BRD4: variants seen among roughly 807,000 people sequenced by gnomAD.
The protein encoded by BRD4 is bromodomain-containing protein 4.
BRD4 carries 16 observed loss-of-function variants against 142.1 expected under a neutral mutation model. The observed-to-expected ratio is 0.11, with a 90% CI of 0.08 to 0.17. The LOEUF is 0.17. Ranked by LOEUF, BRD4 falls within the 10% of genes least tolerant of loss-of-function variation. BRD4 has a pLI of 1.00. For synonymous variants in BRD4, 833 were observed against 707.5 expected, an observed-to-expected ratio of 1.18 and a Z score of -2.82; for missense variants, 1,424 against 1,810.9, an observed-to-expected ratio of 0.79 and a Z score of 3.88.
intron 7 of BRD4, among the ~76,000 whole-genome samples, chr19:15,258,426 G>T (rs1019799300): frequency 1.2e-4 from 18 of 152,258 alleles, no homozygotes; most frequent in African/African-American, 3.9e-4. Flanking sequence ...TGGAATTACA[G>T]GTGCACACCA....
At chr19:15,313,942 T>C (rs992064494) in intron 1 of BRD4, among the ~76,000 whole-genome samples, 2 of 152,072 alleles carry the variant, frequency 1.3e-5, no homozygotes. Context: ...AAAAACTCCA[T>C]GATGAGGGAG....
At chr19:15,296,552 T>C (rs2047824504) in intron 1 of BRD4, among the ~76,000 whole-genome samples, 1 of 152,128 alleles carries the variant, frequency 6.6e-6, no homozygotes. Flanking sequence ...GGCTAGCACA[T>C]GATGTCCGCA....
chr19:15,292,450 C>T lies in BRD4; in HGVS notation c.-34-19317G>A, dbSNP rs200994421. ...GAAAACTACCTGCCTAATAGGGCATCGTGAGCAAATGAGAAAACAACTGTA... is the reference window on the plus strand; with the variant it reads ...GAAAACTACCTGCCTAATAGGGCATTGTGAGCAAATGAGAAAACAACTGTA... On this transcript the variant is annotated intron_variant, in intron 1 of 19. Transcript: ENST00000679869. Among the ~76,000 whole-genome samples the T allele has an allele frequency of 2.6e-5, 4 of 152,128 alleles. No individual in the cohort carries two copies. The East Asian group carries it at 7.7e-4, about 29-fold the overall frequency.
intron 11 of BRD4, 45 bp downstream of exon 11, chr19:15,254,107 G>A (rs1261439427): frequency 6.5e-7 from 1 of 1,529,216 alleles, no homozygotes; most frequent in Non-Finnish European, 9.1e-7. Context: ...GCCAGGCACA[G>A]GTGGGAAGAG....
intron 2 of BRD4, among the ~76,000 whole-genome samples, chr19:15,270,917 C>T (rs1161374000): frequency 6.6e-6 from 1 of 152,126 alleles, no homozygotes; most frequent in Admixed American, 6.5e-5. Flanking sequence ...ATCAGGGCCA[C>T]CATGGATCAG....
In BRD4 at chr19:15,236,634, C is replaced by T. The variant is rs2047194003; in HGVS notation, c.*1743G>A. On this transcript the variant is annotated 3_prime_UTR_variant, in exon 20 of 20. Transcript: ENST00000679869. ...AGGGTCCACAAGGATGGGTACCGGG[C>T]TCTGCGTCACAGCTTCAGCTTGGGG... 1 of 158,912 alleles carries T rather than the reference C, an allele frequency of 6.3e-6. No homozygotes were observed. Among genetic ancestry groups the T allele is most frequent in the South Asian group, 2.0e-4 (1 of 4,882 alleles). The allele number at this position is 158,912 out of a possible 1,614,324, so 9.8% of individuals were successfully genotyped here. A position where few individuals can be genotyped will look rare whatever the true frequency, so the allele number is the denominator to read the frequency against.
At chr19:15,268,599 C>CG (rs1203857565) in intron 3 of BRD4, among the ~76,000 whole-genome samples, 1 of 152,164 alleles carries the variant, frequency 6.6e-6, no homozygotes, top group Non-Finnish European at 1.5e-5. Context: ...CTATTCTCCT[C>CG]ACACCTTCTC....
intron 1 of BRD4, among the ~76,000 whole-genome samples, chr19:15,296,593 G>A (rs188444828): frequency 6.6e-6 from 1 of 152,322 alleles, no homozygotes; most frequent in East Asian, 1.9e-4. Flanking sequence ...GAGAGCAGTG[G>A]CGCGGAGAGT....
chr19:15,326,807 G>T (rs1372881415), intron 1 of BRD4, among the ~76,000 whole-genome samples: 1 of 152,178 alleles, frequency 6.6e-6, no homozygotes, highest in Non-Finnish European at 1.5e-5. Flanking sequence ...CTTCAGAGTG[G>T]ACTACATTCC....
At position 15,237,258 on chromosome 19, in the gene BRD4, G is replaced by GT. The variant is rs2047200420; in HGVS notation, c.*1118_*1119insA. The GT allele has an allele frequency of 2.8e-5, 3 of 106,632 alleles. No homozygotes were observed. The East Asian group carries it at 5.5e-4, about 19-fold the overall frequency. The allele number at this position is 106,632 out of a possible 1,614,324, so 6.6% of individuals were successfully genotyped here. ...CCAACAAATGGGTGGGGGGGGGGGGGGTGGAGGGGAAAGAAAAGAAATTGT... is the reference window on the plus strand; with the variant it reads ...CCAACAAATGGGTGGGGGGGGGGGGGTGTGGAGGGGAAAGAAAAGAAATTGT... On this transcript the variant is annotated 3_prime_UTR_variant, in exon 20 of 20. Coordinates refer to ENST00000679869, the MANE Select transcript of BRD4 (RefSeq NM_001379291.1).
chr19:15,244,194 G>A (rs2047263811), intron 13 of BRD4, 37 bp downstream of exon 13: 5 of 1,539,016 alleles, frequency 3.2e-6, no homozygotes, highest in African/African-American at 1.4e-5. Flanking sequence ...GAGGCAGGAA[G>A]GGGTCTCAAC....
intron 1 of BRD4, among the ~76,000 whole-genome samples, chr19:15,276,027 A>C (rs1032901345): frequency 6.6e-6 from 1 of 152,172 alleles, no homozygotes; most frequent in African/African-American, 2.4e-5. Flanking sequence ...AGAAAGTGAT[A>C]TCCATGGCCC....
At chr19:15,245,199 G>A (rs2047274815) in intron 11 of BRD4, among the ~76,000 whole-genome samples, 1 of 152,196 alleles carries the variant, frequency 6.6e-6, no homozygotes, top group South Asian at 2.1e-4. Context: ...GGCTTCAGAA[G>A]GGAGGGGACT....
intron 14 of BRD4, 99 bp from the exon 15 acceptor site, chr19:15,240,121 G>A (rs2047227300): frequency 4.1e-6 from 6 of 1,465,614 alleles, no homozygotes; most frequent in Non-Finnish European, 5.4e-6. Flanking sequence ...TGGAGAAACT[G>A]CATGTGCCGC....
Position 15,244,261 on chromosome 19 carries a change from G to T in BRD4, c.2551C>A (p.Leu851Ile). ...QPPEHSTPPH[L>I]NQHAVVSPPA... ...GGAGAGACCACTGCGTGCTGGTTGA[G>T]ATGGGGTGGAGTGCTGTGCTCAGGC... The change falls in exon 13 of 20, where the codon CTC (leucine) becomes ATC (isoleucine). Residue 851 changes from leucine (L) to isoleucine (I), a missense_variant. By Grantham distance (5) the Leu-to-Ile change is conservative. Transcript: ENST00000679869. 1 of 1,582,414 alleles carries T rather than the reference G, an allele frequency of 6.3e-7. No individual in the cohort carries two copies. The highest frequency in any genetic ancestry group is 2.3e-5 in the East Asian group (1 of 43,714).
chr19:15,311,756 C>T (rs1437187679), intron 1 of BRD4, among the ~76,000 whole-genome samples: 2 of 152,052 alleles, frequency 1.3e-5, no homozygotes, highest in Non-Finnish European at 2.9e-5. Context: ...AAGCCAACAT[C>T]GCGCCATTGC....
chr19:15,315,214 T>C (rs1181960009), intron 1 of BRD4, among the ~76,000 whole-genome samples: 1 of 152,102 alleles, frequency 6.6e-6, no homozygotes, highest in African/African-American at 2.4e-5. Flanking sequence ...TCACGTGTCA[T>C]TTTACGAAGT....
chr19:15,327,077 C>T (rs1472525167), intron 1 of BRD4, among the ~76,000 whole-genome samples: 3 of 152,184 alleles, frequency 2.0e-5, no homozygotes, highest in African/African-American at 7.2e-5. Flanking sequence ...TCCACTTCCT[C>T]ATTCATTTAA....
chr19:15,251,872 G>C (rs1489854810), intron 11 of BRD4, among the ~76,000 whole-genome samples: 1 of 152,196 alleles, frequency 6.6e-6, no homozygotes, highest in East Asian at 1.9e-4. Context: ...CAAAACCCAA[G>C]GTGGGGAGGG....
Sources: allele counts gnomAD v4.1 joint callset (sites outside exome capture counted in the v4.1 genomes callset), GRCh38; gene constraint gnomAD v4.1.1; transcripts MANE v1.5; gene names NCBI Gene and HGNC (gene_info 2026-07-23, HGNC 2026-07-21).